STARD13: variants seen among roughly 807,000 people sequenced by gnomAD.
The protein encoded by STARD13 is stAR-related lipid transfer protein 13.
A neutral mutation model predicts 106.4 loss-of-function variants in STARD13; 62 were observed. The observed-to-expected ratio is 0.58, with a 90% CI of 0.48 to 0.72. The LOEUF (loss-of-function observed/expected upper bound fraction) is 0.72, where lower values mean the gene tolerates loss of function less well. STARD13 is among the 30% of genes least tolerant of loss of function. The probability of loss-of-function intolerance (pLI) is 0.00; values close to 1 mark genes in which losing one functional copy is unlikely to be tolerated. For missense variants in STARD13, 1,387 were observed against 1,424.0 expected (o/e 0.97, Z 0.42); for synonymous variants, 565 against 553.0 (o/e 1.02, Z -0.31).
the STARD13 span, among the ~76,000 whole-genome samples, chr13:33,402,217 T>C: frequency 6.6e-6 from 1 of 152,224 alleles, no homozygotes; most frequent in Non-Finnish European, 1.5e-5. Context: ...AGAAGGTGTT[T>C]ACAATCACTC....
the STARD13 span, among the ~76,000 whole-genome samples, chr13:33,583,832 T>C: frequency 1.4e-5 from 2 of 144,666 alleles, no homozygotes; most frequent in African/African-American, 5.2e-5. Flanking sequence ...GGAATCTCGC[T>C]CAGCACCATG....
At chr13:33,632,804 G>A in the STARD13 span, among the ~76,000 whole-genome samples, 1 of 149,642 alleles carries the variant, frequency 6.7e-6, no homozygotes, top group Admixed American at 6.6e-5. Flanking sequence ...ATGCCATGAT[G>A]TTCTATATTC....
intron 1 of STARD13, among the ~76,000 whole-genome samples, chr13:33,297,082 T>A (rs1757408095): frequency 6.6e-6 from 1 of 152,236 alleles, no homozygotes; most frequent in Non-Finnish European, 1.5e-5. Context: ...AGAATATGTG[T>A]GTATGCATGA....
At chr13:33,235,581 G>A (rs773798334) in intron 1 of STARD13, among the ~76,000 whole-genome samples, 26 of 152,318 alleles carry the variant, frequency 1.7e-4, no homozygotes, top group South Asian at 8.3e-4. Flanking sequence ...CTTAATAAAT[G>A]CAACTGTTAG....
chr13:33,253,978 A>G (rs1890212241), intron 1 of STARD13, among the ~76,000 whole-genome samples: 1 of 152,224 alleles, frequency 6.6e-6, no homozygotes, highest in African/African-American at 2.4e-5. Context: ...AAATTGTAAA[A>G]TGTATTAGTG....
At position 33,199,184 on chromosome 13, in the gene STARD13, C is replaced by A. The variant is rs1886842135; in HGVS notation, c.170-31562G>T. On this transcript the variant is annotated intron_variant, in intron 1 of 13. Coordinates refer to ENST00000336934, the MANE Select transcript of STARD13 (RefSeq NM_178006.4). Reference sequence around the variant, plus strand: ...ATATCATGCATAAAGCTTTTCCATTCTTTGAATTGGATTTAAATATGTGCC... The same window carrying A: ...ATATCATGCATAAAGCTTTTCCATTATTTGAATTGGATTTAAATATGTGCC... 2.6e-5 allele frequency among the ~76,000 whole-genome samples: 4 copies of A among 152,216 alleles called. No homozygotes were observed. In the South Asian group the frequency reaches 8.3e-4, roughly 32 times the overall value.
At chr13:33,120,674 T>C (rs1044907297) in intron 7 of STARD13, among the ~76,000 whole-genome samples, 3 of 152,150 alleles carry the variant, frequency 2.0e-5, no homozygotes, top group Admixed American at 6.5e-5. Flanking sequence ...ATTCCAGTTA[T>C]AGTAGCTGAA....
the STARD13 span, among the ~76,000 whole-genome samples, chr13:33,529,820 A>G: frequency 6.6e-6 from 1 of 152,194 alleles, no homozygotes; most frequent in African/African-American, 2.4e-5. Flanking sequence ...CAGCATGTTC[A>G]AAGAATAGTG....
upstream of STARD13, among the ~76,000 whole-genome samples, chr13:33,287,407 G>A (rs1021954269): frequency 1.3e-5 from 2 of 152,156 alleles, no homozygotes; most frequent in African/African-American, 4.8e-5. Flanking sequence ...CAGCCTCTTC[G>A]GGTGGTTACA....
intron 1 of STARD13, among the ~76,000 whole-genome samples, chr13:33,255,491 T>G (rs543348475): frequency 1.3e-5 from 2 of 152,072 alleles, no homozygotes; most frequent in Non-Finnish European, 2.9e-5. Context: ...GTCCACCCTC[T>G]CCCAGCCTAG....
the STARD13 span, among the ~76,000 whole-genome samples, chr13:33,618,165 T>G: frequency 2.6e-5 from 4 of 152,376 alleles, no homozygotes; most frequent in African/African-American, 9.6e-5. Context: ...ATAAAAGTAT[T>G]AACTCTCCAT....
chr13:33,616,078 A>G, the STARD13 span, among the ~76,000 whole-genome samples: 3 of 152,094 alleles, frequency 2.0e-5, no homozygotes, highest in Non-Finnish European at 4.4e-5. Flanking sequence ...CATATTAAAG[A>G]CACATTTCTT....
chr13:33,564,646 T>A, the STARD13 span, among the ~76,000 whole-genome samples: 4 of 147,048 alleles, frequency 2.7e-5, 2 homozygotes, highest in African/African-American at 1.0e-4. Context: ...CATCAGTGAA[T>A]GAATGGATAA....
the STARD13 span, among the ~76,000 whole-genome samples, chr13:33,633,303 A>G: frequency 6.6e-6 from 1 of 152,230 alleles, no homozygotes. Flanking sequence ...TTCTAAATGA[A>G]TGCTAGAGCC....
intron 1 of STARD13, among the ~76,000 whole-genome samples, chr13:33,237,318 C>G (rs1490161034): frequency 6.6e-6 from 1 of 152,146 alleles, no homozygotes; most frequent in Non-Finnish European, 1.5e-5. Flanking sequence ...TTTCCTTGGC[C>G]TCACTTTCAA....
chr13:33,601,716 C>G, the STARD13 span, among the ~76,000 whole-genome samples: 18 of 152,126 alleles, frequency 1.2e-4, no homozygotes, highest in Non-Finnish European at 7.3e-5. Flanking sequence ...TTCTATTACC[C>G]CACACTTCCT....
chr13:33,178,819 A>C (rs1884961098), intron 1 of STARD13, among the ~76,000 whole-genome samples: 1 of 152,248 alleles, frequency 6.6e-6, no homozygotes, highest in South Asian at 2.1e-4. Context: ...GGTTGTACTC[A>C]AAAAACAAAA....
the STARD13 span, among the ~76,000 whole-genome samples, chr13:33,602,794 A>G: frequency 6.6e-6 from 1 of 152,218 alleles, no homozygotes; most frequent in African/African-American, 2.4e-5. Flanking sequence ...TGAACTGTGC[A>G]TATGGGAAAT....
chr13:33,612,932 C>G, the STARD13 span, among the ~76,000 whole-genome samples: 1 of 152,158 alleles, frequency 6.6e-6, no homozygotes, highest in African/African-American at 2.4e-5. Context: ...CCTAAAGGCT[C>G]GTCTTCCAGT....
Sources: gnomAD v4.1 joint callset for allele counts (sites outside exome capture counted in the v4.1 genomes callset) on GRCh38, gnomAD v4.1.1 for gene constraint, MANE v1.5 for transcripts, NCBI Gene and HGNC (gene_info 2026-07-23, HGNC 2026-07-21) for gene names.